The following MARCHF1 variants were observed in gnomAD, a reference collection of about 807,000 sequenced individuals.
The protein encoded by MARCHF1 is membrane associated ring-CH-type finger 1, also known as E3 ubiquitin-protein ligase MARCHF1.
Under a neutral mutation model 54.2 loss-of-function variants are expected in MARCHF1, and 40 were observed. The observed-to-expected ratio is 0.74, with a 90% CI of 0.57 to 0.96. MARCHF1 has a LOEUF of 0.96. Ranked by LOEUF, MARCHF1 falls within the 40% of genes least tolerant of loss-of-function variation. The pLI, the probability that MARCHF1 is intolerant of heterozygous loss-of-function variation, is 0.00. For synonymous variants in MARCHF1, 236 were observed against 236.3 expected, an observed-to-expected ratio of 1.00 and a Z score of 0.01; for missense variants, 586 against 656.5, an observed-to-expected ratio of 0.89 and a Z score of 1.17.
At chr4:164,318,900 A>G (rs1489442621) in intron 1 of MARCHF1, among the ~76,000 whole-genome samples, 1 of 152,244 alleles carries the variant, frequency 6.6e-6, no homozygotes, top group African/African-American at 2.4e-5. Context: ...AAACACACAT[A>G]TATTTCTATT....
chr4:163,661,651 A>G (rs773818768), intron 5 of MARCHF1, among the ~76,000 whole-genome samples: 3 of 152,078 alleles, frequency 2.0e-5, no homozygotes, highest in African/African-American at 4.8e-5. Flanking sequence ...CAACATATTT[A>G]AAGCATACAA....
chr4:164,323,129 C>T (rs1231053485), intron 1 of MARCHF1, among the ~76,000 whole-genome samples: 1 of 151,782 alleles, frequency 6.6e-6, no homozygotes, highest in African/African-American at 2.4e-5. Context: ...CATATACTTT[C>T]CCTCTAAGAA....
intron 7 of MARCHF1, among the ~76,000 whole-genome samples, chr4:163,595,603 T>A (rs542288950): frequency 6.6e-6 from 1 of 152,300 alleles, no homozygotes; most frequent in African/African-American, 2.4e-5. Flanking sequence ...GGATTGGCTG[T>A]TCATTGATGA....
At chr4:164,103,875 T>A (rs1755629142) in intron 2 of MARCHF1, among the ~76,000 whole-genome samples, 1 of 140,834 alleles carries the variant, frequency 7.1e-6, no homozygotes, top group East Asian at 2.0e-4. Context: ...CTAGCAAGAC[T>A]AATAAAGAAA....
rs1015634306 is a variant in MARCHF1 at position 164,128,493 on chromosome 4, T to C, written c.-322-16831A>G. 4.0e-5 allele frequency among the ~76,000 whole-genome samples: 6 copies of C among 151,780 alleles called. No individual in the cohort carries two copies. In the East Asian group the frequency reaches 5.8e-4, roughly 15 times the overall value. On this transcript the variant is annotated intron_variant, in intron 1 of 9. Transcript: ENST00000514618. ...TGAACAGAGAATTCATAAAAGAAGATACACAAATGACCCTTATACTTATGA... is the reference window on the plus strand; with the variant it reads ...TGAACAGAGAATTCATAAAAGAAGACACACAAATGACCCTTATACTTATGA...
chr4:164,040,187 T>C (rs1254557520), intron 2 of MARCHF1, among the ~76,000 whole-genome samples: 1 of 144,576 alleles, frequency 6.9e-6, no homozygotes, highest in African/African-American at 2.5e-5. Context: ...TATACAAATA[T>C]ATATTATAAA....
intron 3 of MARCHF1, among the ~76,000 whole-genome samples, chr4:163,920,166 T>G (rs1751393566): frequency 6.6e-6 from 1 of 152,150 alleles, no homozygotes; most frequent in African/African-American, 2.4e-5. Context: ...TTCCTGGCCA[T>G]TTATGAAATG....
chr4:163,792,305 G>A (rs762904979), intron 4 of MARCHF1, among the ~76,000 whole-genome samples: 10 of 152,024 alleles, frequency 6.6e-5, no homozygotes, highest in Non-Finnish European at 7.4e-5. Context: ...TTAATAAACA[G>A]AATATTTAGA....
chr4:163,932,470 A>AT, intron 3 of MARCHF1: 1 of 370,556 alleles, frequency 2.7e-6, no homozygotes, highest in Admixed American at 3.1e-5. Context: ...TGCTCACAGC[A>AT]TGTTCACCAG....
intron 4 of MARCHF1, among the ~76,000 whole-genome samples, chr4:163,765,474 G>T (rs756126742): frequency 2.0e-5 from 3 of 152,082 alleles, no homozygotes; most frequent in South Asian, 2.1e-4. Flanking sequence ...TCTGTCAATT[G>T]TAGCCATAGG....
At chr4:163,590,660 C>T (rs147276838) in intron 7 of MARCHF1, among the ~76,000 whole-genome samples, 164 of 152,184 alleles carry the variant, frequency 1.1e-3, no homozygotes, top group African/African-American at 3.8e-3. Flanking sequence ...ATATTTTCCA[C>T]GAATCTCTGA....
chr4:163,763,111 C>A (rs902796753), intron 4 of MARCHF1, among the ~76,000 whole-genome samples: 23 of 152,012 alleles, frequency 1.5e-4, no homozygotes, highest in African/African-American at 5.1e-4. Flanking sequence ...CACTATAAAT[C>A]AGTCAGGATG....
chr4:164,075,510 T>C (rs1270828005), intron 2 of MARCHF1, among the ~76,000 whole-genome samples: 1 of 152,198 alleles, frequency 6.6e-6, no homozygotes, highest in East Asian at 1.9e-4. Context: ...CAGATCAGCA[T>C]CATGTCAGCT....
At chr4:163,691,148 G>A (rs967385189) in intron 5 of MARCHF1, among the ~76,000 whole-genome samples, 1 of 152,186 alleles carries the variant, frequency 6.6e-6, no homozygotes, top group Non-Finnish European at 1.5e-5. Context: ...TGCCTCTCAA[G>A]CATCTTCAAA....
intron 7 of MARCHF1, among the ~76,000 whole-genome samples, chr4:163,599,421 C>CACACACACACACAATAT (rs1319350077): frequency 7.7e-3 from 10 of 1,296 alleles, no homozygotes; most frequent in African/African-American, 0.031. Flanking sequence ...AACACACATA[C>CACACACACACACAATAT]ACACACACAC....
At chr4:164,127,172 G>A (rs770283151) in intron 1 of MARCHF1, among the ~76,000 whole-genome samples, 42 of 152,274 alleles carry the variant, frequency 2.8e-4, no homozygotes, top group Admixed American at 8.5e-4. Context: ...TTCTGTCCTC[G>A]TGTTTTGTGG....
intron 1 of MARCHF1, among the ~76,000 whole-genome samples, chr4:164,382,855 C>T (rs1414085631): frequency 6.6e-6 from 1 of 152,162 alleles, no homozygotes; most frequent in Non-Finnish European, 1.5e-5. Context: ...GTCAAACCCA[C>T]AGAGCTCTAT....
chr4:164,005,102 C>G (rs1753260344), intron 2 of MARCHF1, among the ~76,000 whole-genome samples: 1 of 150,880 alleles, frequency 6.6e-6, no homozygotes, highest in Non-Finnish European at 1.5e-5. Context: ...TACTCTGTTA[C>G]CAATAACAAA....
chr4:163,918,694 A>G (rs1373668662), intron 3 of MARCHF1, among the ~76,000 whole-genome samples: 2 of 152,090 alleles, frequency 1.3e-5, no homozygotes, highest in Non-Finnish European at 2.9e-5. Flanking sequence ...ACCTGAAGTC[A>G]TTTATTTTTA....
Sources: allele counts gnomAD v4.1 joint callset (sites outside exome capture counted in the v4.1 genomes callset), GRCh38; gene constraint gnomAD v4.1.1; transcripts MANE v1.5; gene names NCBI Gene and HGNC (gene_info 2026-07-23, HGNC 2026-07-21).